Variants in XKR6 observed in about 807,000 individuals in gnomAD.
XKR6 encodes XK-related protein 6.
A neutral mutation model predicts 56.7 loss-of-function variants in XKR6; 22 were observed. That is an observed-to-expected ratio of 0.39 (90% CI 0.28 to 0.55). The LOEUF (loss-of-function observed/expected upper bound fraction) is 0.55, where lower values mean the gene tolerates loss of function less well. Among genes scored for constraint, XKR6 ranks in the 20% least tolerant of loss-of-function variants. The pLI, the probability that XKR6 is intolerant of heterozygous loss-of-function variation, is 0.66. For synonymous variants in XKR6, 524 were observed against 387.8 expected, an observed-to-expected ratio of 1.35 and a Z score of -4.13; for missense variants, 852 against 889.0, an observed-to-expected ratio of 0.96 and a Z score of 0.53.
At chr8:11,156,769 C>T (rs1340149424) in intron 1 of XKR6, among the ~76,000 whole-genome samples, 1 of 151,968 alleles carries the variant, frequency 6.6e-6, no homozygotes, top group African/African-American at 2.4e-5. Context: ...TTCTAAATGA[C>T]GTAGGTAAAT....
rs369924191 is a variant in XKR6 at position 11,086,474 on chromosome 8, T to A, written c.764+114102A>T. Among the ~76,000 whole-genome samples the A allele has an allele frequency of 8.5e-5, 13 of 152,322 alleles. No individual in the cohort carries two copies. In the East Asian group the frequency reaches 1.4e-3, roughly 16 times the overall value. On this transcript the variant is annotated intron_variant, in intron 1 of 2. Transcript: ENST00000416569. The stretch of plus-strand genomic sequence containing the variant: ...CGCTCATCAGCCTCACACCTTGTCA[T>A]TTTATCATCACAGCCATGGAAAGTC...
intron 1 of XKR6, among the ~76,000 whole-genome samples, chr8:11,039,886 A>T (rs142500260): frequency 1.1e-4 from 17 of 152,372 alleles, no homozygotes; most frequent in Admixed American, 9.8e-4. Flanking sequence ...GAGCAAAAGG[A>T]CATCAGCCCG....
chr8:10,951,284 A>T (rs1801711806), intron 1 of XKR6, among the ~76,000 whole-genome samples: 1 of 91,698 alleles, frequency 1.1e-5, no homozygotes, highest in Non-Finnish European at 2.6e-5. Flanking sequence ...GGGATAGAAA[A>T]GTGTGTGTGT....
intron 1 of XKR6, among the ~76,000 whole-genome samples, chr8:11,169,471 T>TC (rs1354956181): frequency 6.6e-6 from 1 of 152,166 alleles, no homozygotes; most frequent in African/African-American, 2.4e-5. Flanking sequence ...GGAACAAAAC[T>TC]CTGATATATG....
intron 1 of XKR6, among the ~76,000 whole-genome samples, chr8:10,990,450 G>C (rs916537722): frequency 3.3e-5 from 5 of 152,148 alleles, no homozygotes; most frequent in African/African-American, 7.2e-5. Context: ...TTTCCACACC[G>C]GCAGTAGTTG....
At chr8:10,953,099 G>T (rs1801776473) in intron 1 of XKR6, among the ~76,000 whole-genome samples, 1 of 152,184 alleles carries the variant, frequency 6.6e-6, no homozygotes, top group Non-Finnish European at 1.5e-5. Flanking sequence ...GCACTGTGGT[G>T]AGTTGTATGA....
intron 1 of XKR6, among the ~76,000 whole-genome samples, chr8:10,950,167 G>A (rs1467759745): frequency 6.6e-6 from 1 of 152,134 alleles, no homozygotes; most frequent in Admixed American, 6.5e-5. Context: ...CAACAGGTGG[G>A]GGTGGGACTC....
chr8:11,107,129 G>C (rs928092706), intron 1 of XKR6, among the ~76,000 whole-genome samples: 2 of 151,926 alleles, frequency 1.3e-5, no homozygotes, highest in Non-Finnish European at 2.9e-5. Flanking sequence ...CATTTCAAAG[G>C]GCTAGAAAGG....
At chr8:11,121,044 G>A (rs1267036676) in intron 1 of XKR6, among the ~76,000 whole-genome samples, 8 of 152,158 alleles carry the variant, frequency 5.3e-5, no homozygotes, top group African/African-American at 1.9e-4. Flanking sequence ...ATTCAAGATG[G>A]ATTAAAGCCT....
At chr8:11,100,758 G>C (rs1199833073) in intron 1 of XKR6, among the ~76,000 whole-genome samples, 3 of 152,252 alleles carry the variant, frequency 2.0e-5, no homozygotes, top group Non-Finnish European at 4.4e-5. Flanking sequence ...AATCAAAGCA[G>C]TTTCTGGGGA....
chr8:11,049,954 G>A (rs1303200395), intron 1 of XKR6, among the ~76,000 whole-genome samples: 7 of 152,030 alleles, frequency 4.6e-5, no homozygotes, highest in South Asian at 2.1e-4. Flanking sequence ...AAAATATAGC[G>A]TCCATTGCCT....
At chr8:10,932,985 C>A (rs1243778626) in intron 1 of XKR6, among the ~76,000 whole-genome samples, 5 of 150,916 alleles carry the variant, frequency 3.3e-5, no homozygotes, top group Non-Finnish European at 3.0e-5. Context: ...GTTCTAGATC[C>A]CTGAGGAATC....
chr8:11,042,602 A>C (rs990158240), intron 1 of XKR6, among the ~76,000 whole-genome samples: 4 of 152,200 alleles, frequency 2.6e-5, no homozygotes, highest in African/African-American at 4.8e-5. Context: ...TAAATTACTC[A>C]GTCTTGGGTA....
At chr8:11,133,567 G>C (rs1800226104) in intron 1 of XKR6, among the ~76,000 whole-genome samples, 1 of 151,712 alleles carries the variant, frequency 6.6e-6, no homozygotes, top group Admixed American at 6.6e-5. Flanking sequence ...GACTGAAAAA[G>C]GAATAAATGC....
At chr8:11,006,147 A>C (rs1235969796) in intron 1 of XKR6, among the ~76,000 whole-genome samples, 4 of 152,046 alleles carry the variant, frequency 2.6e-5, no homozygotes, top group Non-Finnish European at 5.9e-5. Flanking sequence ...ACTGACTAAA[A>C]ATTTTTCAAT....
rs538112885 is a variant in XKR6, at chr8:11,034,010, C to T, written c.765-109180G>A. The stretch of plus-strand genomic sequence containing the variant: ...AAATTTCAAGAGCAGTCCCTTGTTG[C>T]TCCAGCATAGCCTGTTTAGTCAACC... On this transcript the variant is annotated intron_variant, in intron 1 of 2. Coordinates refer to ENST00000416569, the MANE Select transcript of XKR6 (RefSeq NM_173683.4). Among the ~76,000 whole-genome samples the T allele has an allele frequency of 8.8e-4, 134 of 152,332 alleles. 1 individual carries two copies. The highest frequency in any genetic ancestry group is 3.1e-3 in the African/African-American group (129 of 41,568).
chr8:11,157,894 T>G (rs1318849716), intron 1 of XKR6, among the ~76,000 whole-genome samples: 1 of 152,182 alleles, frequency 6.6e-6, no homozygotes, highest in African/African-American at 2.4e-5. Flanking sequence ...AAAGAATTAT[T>G]AGCAAACAGG....
chr8:10,930,061 G>T (rs1255553581), intron 1 of XKR6, among the ~76,000 whole-genome samples: 1 of 151,080 alleles, frequency 6.6e-6, no homozygotes, highest in Non-Finnish European at 1.5e-5. Flanking sequence ...CACACCGTCA[G>T]TCATGGTTCA....
intron 1 of XKR6, among the ~76,000 whole-genome samples, chr8:11,017,197 C>A (rs925112786): frequency 6.6e-6 from 1 of 152,106 alleles, no homozygotes; most frequent in African/African-American, 2.4e-5. Context: ...CATTGTAACA[C>A]GTATAGATAG....
Sources: gnomAD v4.1 joint callset for allele counts (sites outside exome capture counted in the v4.1 genomes callset) on GRCh38, gnomAD v4.1.1 for gene constraint, MANE v1.5 for transcripts, NCBI Gene and HGNC (gene_info 2026-07-23, HGNC 2026-07-21) for gene names.